The following DNAJC8 variants were observed in gnomAD, a reference collection of about 807,000 sequenced individuals.
The protein encoded by DNAJC8 is DnaJ heat shock protein family (Hsp40) member C8, also known as dnaJ homolog subfamily C member 8.
A neutral mutation model predicts 43.2 loss-of-function variants in DNAJC8; 24 were observed. The observed-to-expected ratio is 0.56, with a 90% confidence interval of 0.40 to 0.78. The LOEUF (loss-of-function observed/expected upper bound fraction) is 0.78, where lower values mean the gene tolerates loss of function less well. Among genes scored for constraint, DNAJC8 ranks in the 30% least tolerant of loss-of-function variants. The pLI is 0.00. For synonymous variants in DNAJC8, 83 were observed against 98.0 expected (o/e 0.85, Z 0.90); for missense variants, 207 against 299.4 (o/e 0.69, Z 2.28).
At chr1:28,213,323 G>C (rs1218139003) in intron 3 of DNAJC8, among the ~76,000 whole-genome samples, 2 of 151,644 alleles carry the variant, frequency 1.3e-5, no homozygotes, top group Non-Finnish European at 2.9e-5. Context: ...GGAATGATTA[G>C]TAATGCATAT....
intron 2 of DNAJC8, among the ~76,000 whole-genome samples, chr1:28,220,693 A>C (rs901691320): frequency 6.6e-6 from 1 of 152,196 alleles, no homozygotes; most frequent in African/African-American, 2.4e-5. Context: ...TTTCTAACAC[A>C]TGAATTTGGG....
At chr1:28,231,931 C>A (rs1464027796) in intron 1 of DNAJC8, among the ~76,000 whole-genome samples, 2 of 151,966 alleles carry the variant, frequency 1.3e-5, no homozygotes, top group South Asian at 4.1e-4. Context: ...CCAGGCCCAG[C>A]TAATTTTTTG....
intron 1 of DNAJC8, among the ~76,000 whole-genome samples, chr1:28,231,256 C>A (rs1646972272): frequency 6.6e-6 from 1 of 152,048 alleles, no homozygotes. Flanking sequence ...GCTTGTAGTC[C>A]CAGCTACTGA....
intron 2 of DNAJC8, among the ~76,000 whole-genome samples, chr1:28,218,231 A>G (rs772218205): frequency 3.3e-5 from 5 of 150,818 alleles, no homozygotes; most frequent in South Asian, 4.2e-4. Flanking sequence ...GAGTAGCTGG[A>G]ATTACAGGCA....
At chr1:28,212,197 ATATATATATATATATAT>A (rs1557707983) in intron 3 of DNAJC8, among the ~76,000 whole-genome samples, 3 of 120,980 alleles carry the variant, frequency 2.5e-5, no homozygotes, top group Admixed American at 1.7e-4. Flanking sequence ...ATATATATAT[ATATATATATATATATAT>A]AAATGAAATT....
intron 3 of DNAJC8, among the ~76,000 whole-genome samples, chr1:28,212,778 A>G (rs1646824425): frequency 6.6e-6 from 1 of 152,168 alleles, no homozygotes; most frequent in African/African-American, 2.4e-5. Flanking sequence ...TACTGGAACC[A>G]TTATGCTGGG....
In DNAJC8 at chr1:28,213,452, T is replaced by C. The variant is rs567481603; in HGVS notation, c.237+1488A>G. Among the ~76,000 whole-genome samples the C allele has an allele frequency of 2.2e-4, 33 of 151,858 alleles. 1 individual carries two copies. The South Asian group carries it at 6.6e-3, about 31-fold the overall frequency. ...TGGGATATGATTACGTAGACCAAGTTAAAAAACATCTTGGCTTAACTGTAG... is the reference window on the plus strand; with the variant it reads ...TGGGATATGATTACGTAGACCAAGTCAAAAAACATCTTGGCTTAACTGTAG... On this transcript the variant is annotated intron_variant, in intron 3 of 8. Transcript: ENST00000263697.
At chr1:28,228,108 T>C (rs1456879011) in intron 2 of DNAJC8, among the ~76,000 whole-genome samples, 2 of 152,050 alleles carry the variant, frequency 1.3e-5, no homozygotes, top group East Asian at 3.9e-4. Flanking sequence ...CCCAGCACTT[T>C]GGGAGGCTGA....
chr1:28,215,182 C>A (rs1646842481), intron 2 of DNAJC8, among the ~76,000 whole-genome samples, 186 bp from the exon 3 acceptor site: 1 of 152,070 alleles, frequency 6.6e-6, no homozygotes, highest in South Asian at 2.1e-4. Flanking sequence ...AACAGAATAA[C>A]AATTATATTG....
chr1:28,206,980 C>T (rs952411504), intron 6 of DNAJC8, among the ~76,000 whole-genome samples: 2 of 152,048 alleles, frequency 1.3e-5, no homozygotes, highest in Non-Finnish European at 2.9e-5. Flanking sequence ...GCTCCATACA[C>T]GGGATAGACA....
intron 2 of DNAJC8, among the ~76,000 whole-genome samples, chr1:28,220,365 A>G (rs1225964279): frequency 6.6e-6 from 1 of 152,208 alleles, no homozygotes; most frequent in Non-Finnish European, 1.5e-5. Flanking sequence ...TAGAGCACAA[A>G]AATTTTCTAA....
rs1401740808 is a variant in DNAJC8 at position 28,201,696 on chromosome 1, G to A, written c.640-326C>T. Among the ~76,000 whole-genome samples the A allele has an allele frequency of 2.0e-5, 3 of 151,852 alleles. No homozygotes were observed. The East Asian group carries it at 5.8e-4, about 29-fold the overall frequency. Reference sequence around the variant, plus strand: ...CCCAGCTACTCGGGAGGCTGAGGCAGGAGAATCGCTTGAGCCTGGCAGGCA... The same window carrying A: ...CCCAGCTACTCGGGAGGCTGAGGCAAGAGAATCGCTTGAGCCTGGCAGGCA... On this transcript the variant is annotated intron_variant, in intron 8 of 8. Transcript: ENST00000263697.
chr1:28,227,407 CAAA>C (rs1190572347), intron 2 of DNAJC8, among the ~76,000 whole-genome samples: 6 of 49,170 alleles, frequency 1.2e-4, no homozygotes, highest in Admixed American at 4.7e-4. Flanking sequence ...GACTTCATCT[CAAA>C]AAAAAAAAAA....
At chr1:28,216,513 C>A (rs893909440) in intron 2 of DNAJC8, among the ~76,000 whole-genome samples, 1 of 152,128 alleles carries the variant, frequency 6.6e-6, no homozygotes, top group Non-Finnish European at 1.5e-5. Context: ...TACAACTAAT[C>A]ATGCCAAATG....
intron 2 of DNAJC8, among the ~76,000 whole-genome samples, chr1:28,217,058 T>A (rs1646860763): frequency 1.3e-5 from 2 of 152,068 alleles, no homozygotes; most frequent in Non-Finnish European, 2.9e-5. Flanking sequence ...TCCGCCTGCC[T>A]CGGCCTCCCA....
At chr1:28,230,559 T>TA (rs1323386318) in intron 1 of DNAJC8, among the ~76,000 whole-genome samples, 9 of 152,192 alleles carry the variant, frequency 5.9e-5, no homozygotes, top group African/African-American at 2.2e-4. Flanking sequence ...CTCTATTTTT[T>TA]AAAAAAATGA....
intron 7 of DNAJC8, among the ~76,000 whole-genome samples, chr1:28,204,425 G>C (rs143081592): frequency 7.9e-5 from 12 of 151,836 alleles, no homozygotes; most frequent in African/African-American, 2.7e-4. Context: ...TACTAAAAAT[G>C]CAAAAATTAG....
At chr1:28,207,704 A>G (rs554746364) in intron 6 of DNAJC8, among the ~76,000 whole-genome samples, 64 of 149,874 alleles carry the variant, frequency 4.3e-4, no homozygotes, top group African/African-American at 1.5e-3. Flanking sequence ...GGCCTCCCAA[A>G]TTTCTGGGAT....
chr1:28,219,308 A>C (rs1453078119), intron 2 of DNAJC8, among the ~76,000 whole-genome samples: 1 of 152,130 alleles, frequency 6.6e-6, no homozygotes, highest in Non-Finnish European at 1.5e-5. Context: ...GGAGATCGAG[A>C]CAATCCTGGC....
Sources: gnomAD v4.1 joint callset for allele counts (sites outside exome capture counted in the v4.1 genomes callset) on GRCh38, gnomAD v4.1.1 for gene constraint, MANE v1.5 for transcripts, NCBI Gene and HGNC (gene_info 2026-07-23, HGNC 2026-07-21) for gene names.